NELL2: variants seen among roughly 807,000 people sequenced by gnomAD.
The protein encoded by NELL2 is neural EGFL like 2.
Under a neutral mutation model 109.6 loss-of-function variants are expected in NELL2, and 41 were observed. That is an observed-to-expected ratio of 0.37 (90% CI 0.29 to 0.49). The LOEUF is 0.49. NELL2 is among the 20% of genes least tolerant of loss of function. The pLI is 0.98. For synonymous variants in NELL2, 355 were observed against 344.7 expected (o/e 1.03, Z -0.33); for missense variants, 900 against 1,008.3 (o/e 0.89, Z 1.45).
chr12:44,674,093 T>A (rs1948229341), intron 12 of NELL2, among the ~76,000 whole-genome samples: 1 of 152,258 alleles, frequency 6.6e-6, no homozygotes, highest in East Asian at 1.9e-4. Context: ...CAGAAACATA[T>A]ACATTGTGCA....
chr12:44,798,198 T>C (rs1034742856), intron 3 of NELL2, among the ~76,000 whole-genome samples: 3 of 151,568 alleles, frequency 2.0e-5, no homozygotes, highest in Non-Finnish European at 4.4e-5. Flanking sequence ...TTCTAATATG[T>C]GATTTCATAG....
In NELL2 at chr12:44,750,690, T is replaced by C. The variant is rs535369477; in HGVS notation, c.994+24057A>G. 2.0e-5 allele frequency among the ~76,000 whole-genome samples: 3 copies of C among 152,046 alleles called. No homozygotes were observed. In the South Asian group the frequency reaches 6.2e-4, roughly 32 times the overall value. ...TAGCAGCCAAGAACAACAGTGCGGG[T>C]CAAAGCGTTCAGGAAAACCTTCTAT... On this transcript the variant is annotated intron_variant, in intron 9 of 19. Coordinates refer to ENST00000429094, the MANE Select transcript of NELL2 (RefSeq NM_001145108.2).
chr12:44,510,088 A>G (rs1940926122), intron 19 of NELL2, among the ~76,000 whole-genome samples: 1 of 152,020 alleles, frequency 6.6e-6, no homozygotes, highest in Non-Finnish European at 1.5e-5. Context: ...AAGAAGAAAA[A>G]CCTTCTATCC....
intron 14 of NELL2, among the ~76,000 whole-genome samples, chr12:44,610,048 A>T (rs571738472): frequency 1.3e-5 from 2 of 152,006 alleles, no homozygotes; most frequent in African/African-American, 4.8e-5. Context: ...GGAAAAGGCG[A>T]GTTAATGGAT....
intron 16 of NELL2, 64 bp downstream of exon 16, chr12:44,532,517 C>T: frequency 6.6e-7 from 1 of 1,523,756 alleles, no homozygotes; most frequent in Non-Finnish European, 9.0e-7. Flanking sequence ...CTATTTATAG[C>T]TTATGATATA....
intron 15 of NELL2, among the ~76,000 whole-genome samples, chr12:44,534,214 A>T (rs1015889688): frequency 1.3e-5 from 2 of 151,454 alleles, no homozygotes; most frequent in African/African-American, 4.9e-5. Flanking sequence ...ATACATAAGT[A>T]AAAAAAAATC....
At chr12:44,579,796 T>C (rs915388869) in intron 15 of NELL2, among the ~76,000 whole-genome samples, 2 of 152,152 alleles carry the variant, frequency 1.3e-5, no homozygotes, top group Admixed American at 6.5e-5. Context: ...CACCTTCTGG[T>C]TGTGTGAGAC....
At chr12:44,884,848 C>T (rs935402791) in intron 1 of NELL2, among the ~76,000 whole-genome samples, 2 of 151,992 alleles carry the variant, frequency 1.3e-5, no homozygotes, top group Admixed American at 1.3e-4. Context: ...CACCTAGTCA[C>T]ATTAAAATAA....
intron 9 of NELL2, among the ~76,000 whole-genome samples, chr12:44,745,322 T>C (rs181359939): frequency 2.1e-4 from 32 of 152,220 alleles, no homozygotes; most frequent in Admixed American, 2.0e-3. Context: ...GCGCAATCTA[T>C]GACAAACCCA....
Position 44,636,872 on chromosome 12 carries a change from C to T in NELL2, c.1445-25902G>A, listed in dbSNP as rs545638326. Among the ~76,000 whole-genome samples the T allele has an allele frequency of 1.4e-4, 21 of 151,868 alleles. No individual in the cohort carries two copies. The South Asian group carries it at 3.9e-3, about 29-fold the overall frequency. Reference sequence around the variant, plus strand: ...CAGAAGTAGAATCCTGCTTTGATTCCGTCTGGTCTGGTGCTTTTTTTGCTT... The same window carrying T: ...CAGAAGTAGAATCCTGCTTTGATTCTGTCTGGTCTGGTGCTTTTTTTGCTT... On this transcript the variant is annotated intron_variant, in intron 13 of 19. Transcript: ENST00000429094.
intron 2 of NELL2, among the ~76,000 whole-genome samples, chr12:44,867,595 C>G (rs1945037318): frequency 6.6e-6 from 1 of 152,140 alleles, no homozygotes; most frequent in Non-Finnish European, 1.5e-5. Context: ...CTTGCCACTT[C>G]TATTCAACAT....
At chr12:44,733,875 C>G in intron 9 of NELL2, among the ~76,000 whole-genome samples, 1 of 151,970 alleles carries the variant, frequency 6.6e-6, no homozygotes, top group East Asian at 1.9e-4. Context: ...ACAGCATACT[C>G]TGTATAATTT....
chr12:44,593,303 T>G (rs750992129), intron 15 of NELL2, among the ~76,000 whole-genome samples: 3 of 152,122 alleles, frequency 2.0e-5, no homozygotes, highest in Non-Finnish European at 2.9e-5. Context: ...CTTGTAAAAC[T>G]TCCACATTTA....
chr12:44,522,445 C>G (rs1217962657), intron 17 of NELL2, among the ~76,000 whole-genome samples: 1 of 151,918 alleles, frequency 6.6e-6, no homozygotes, highest in Non-Finnish European at 1.5e-5. Context: ...CATAAAATAA[C>G]CACTGTGTAT....
At chr12:44,740,019 T>C (rs1239376874) in intron 9 of NELL2, among the ~76,000 whole-genome samples, 4 of 152,220 alleles carry the variant, frequency 2.6e-5, no homozygotes, top group Non-Finnish European at 5.9e-5. Context: ...ATACAAACCA[T>C]GTGGCATGCA....
chr12:44,635,803 T>G (rs1272180111), intron 13 of NELL2, among the ~76,000 whole-genome samples: 1 of 152,186 alleles, frequency 6.6e-6, no homozygotes, highest in African/African-American at 2.4e-5. Context: ...TAAACTAGTT[T>G]TTTCTAATTC....
chr12:44,875,602 C>A (rs760277846), intron 1 of NELL2: 25 of 1,613,488 alleles, frequency 1.5e-5, no homozygotes, highest in Non-Finnish European at 2.0e-5. Flanking sequence ...CCCCTCAGCC[C>A]TCCGACCCTG....
At chr12:44,615,851 C>A (rs1011854826) in intron 13 of NELL2, among the ~76,000 whole-genome samples, 1 of 151,980 alleles carries the variant, frequency 6.6e-6, no homozygotes, top group Non-Finnish European at 1.5e-5. Flanking sequence ...ATACTAAAAC[C>A]CACATTTTCA....
At chr12:44,774,904 A>G in intron 8 of NELL2, 55 bp from the exon 9 acceptor site, 1 of 1,383,274 alleles carries the variant, frequency 7.2e-7, no homozygotes, top group South Asian at 1.2e-5. Context: ...GTAGTTTTCA[A>G]GAATTTTTGA....
Sources: allele counts gnomAD v4.1 joint callset (sites outside exome capture counted in the v4.1 genomes callset), GRCh38; gene constraint gnomAD v4.1.1; transcripts MANE v1.5; gene names NCBI Gene and HGNC (gene_info 2026-07-23, HGNC 2026-07-21).